Variants in DEFA3 observed in about 807,000 individuals in gnomAD.
DEFA3 encodes the protein defensin alpha 3.
For missense variants in DEFA3, 8 were observed against 128.1 expected (o/e 0.06, Z 4.53); for synonymous variants, 3 against 47.2 (o/e 0.06, Z 3.84).
In DEFA3 at chr8:7,016,044, T is replaced by G; in HGVS notation, c.231A>C (p.Glu77Asp). The stretch of plus-strand genomic sequence containing the variant: ...GGTAGATGCAGGTTCCATAGCGACG[T>G]TCTCCTGCAATGCACGCTGGTATTC... ...YCRIPACIAGERRYGTCIYQG... is the reference protein window; with the variant it reads ...YCRIPACIAGDRRYGTCIYQG... Residue 77 changes from glutamate (E) to aspartate (D), a missense_variant, in exon 3 of 3, where the codon GAA (glutamate) becomes GAC (aspartate). Glu to Asp is a conservative substitution (Grantham distance 45). Coordinates refer to ENST00000327857, the MANE Select transcript of DEFA3 (RefSeq NM_005217.4). 1 of 1,502,236 alleles carries G rather than the reference T, an allele frequency of 6.7e-7. No homozygotes were observed. Among genetic ancestry groups the G allele is most frequent in the Non-Finnish European group, 9.1e-7 (1 of 1,094,344 alleles). The allele number at this position is 1,502,236 out of a possible 1,614,324, so 93.1% of individuals were successfully genotyped here. A position where few individuals can be genotyped will look rare whatever the true frequency, so the allele number is the denominator to read the frequency against.
chr8:7,016,333 G>C (rs1810969346), intron 2 of DEFA3, among the ~76,000 whole-genome samples: 1 of 151,664 alleles, frequency 6.6e-6, no homozygotes, highest in Non-Finnish European at 1.5e-5. Context: ...ACACACACCT[G>C]AACATACCCT....
rs1006919242 is a variant in DEFA3 at position 7,018,254 on chromosome 8, G to A, written c.-45C>T. 4.7e-5 allele frequency: 7 copies of A among 149,538 alleles called. No individual in the cohort carries two copies. The highest frequency in any genetic ancestry group is 1.7e-4 in the African/African-American group (7 of 40,298). 9.3% of individuals were successfully genotyped at this position (149,538 alleles called of 1,614,324 possible). On this transcript the variant is annotated 5_prime_UTR_variant, in exon 1 of 3. Transcript: ENST00000327857. ...CTAGCTAGGCAGGGTGACCAGAGAG[G>A]GCAGACAGCAGTCCTCTGTCCCAGG...
At chr8:7,016,381 GT>G in intron 2 of DEFA3, among the ~76,000 whole-genome samples, 1 of 32,686 alleles carries the variant, frequency 3.1e-5, no homozygotes, top group Admixed American at 3.1e-4. Context: ...CTTCTGTAGA[GT>G]AAAATGTTCT....
intron 2 of DEFA3, among the ~76,000 whole-genome samples, chr8:7,016,438 GT>G (rs1181601013): frequency 4.1e-5 from 6 of 145,234 alleles, no homozygotes; most frequent in African/African-American, 1.6e-4. Flanking sequence ...TAACTAGTCT[GT>G]CTCTTCATAT....
chr8:7,016,470 C>G (rs539302238), intron 2 of DEFA3, among the ~76,000 whole-genome samples: 19 of 146,724 alleles, frequency 1.3e-4, no homozygotes, highest in Admixed American at 3.4e-4. Flanking sequence ...GTGAATTTCA[C>G]AGATGTTTCT....
chr8:7,018,038 A>C (rs1456848522), intron 1 of DEFA3, among the ~76,000 whole-genome samples, 184 bp downstream of exon 1: 2 of 150,674 alleles, frequency 1.3e-5, no homozygotes, highest in African/African-American at 4.9e-5. Context: ...AAACTGCTTG[A>C]GTTTCTCTAT....
chr8:7,018,010 A>G (rs1259964777), intron 1 of DEFA3, among the ~76,000 whole-genome samples: 2 of 148,738 alleles, frequency 1.3e-5, no homozygotes, highest in African/African-American at 4.9e-5. Context: ...GTCAACCAGG[A>G]CATGTGTGTT....
chr8:7,018,053 T>A (rs377630198), intron 1 of DEFA3, among the ~76,000 whole-genome samples, 169 bp downstream of exon 1: 335 of 149,298 alleles, frequency 2.2e-3, no homozygotes, highest in Middle Eastern at 6.9e-3. Flanking sequence ...CTCTATTAAG[T>A]TAGCTGGAAG....
At chr8:7,017,808 A>C (rs1271191400) in intron 1 of DEFA3, among the ~76,000 whole-genome samples, 2 of 152,100 alleles carry the variant, frequency 1.3e-5, no homozygotes, top group Admixed American at 1.3e-4. Flanking sequence ...CCGAGTGAAA[A>C]GATAACCCAG....
chr8:7,018,018 G>GTGTA (rs1316287701), intron 1 of DEFA3, among the ~76,000 whole-genome samples: 14,315 of 99,298 alleles, frequency 0.14, 2 homozygotes, highest in African/African-American at 0.21. Flanking sequence ...GGACATGTGT[G>GTGTA]TTTAGAAGGA....
intron 1 of DEFA3, among the ~76,000 whole-genome samples, chr8:7,017,781 G>C (rs1463389448): frequency 6.6e-6 from 1 of 151,926 alleles, no homozygotes; most frequent in Non-Finnish European, 1.5e-5. Flanking sequence ...CATCTGCACA[G>C]CAAAGGAAAC....
Position 7,015,885 on chromosome 8 carries a change from T to A in DEFA3, c.*105A>T, listed in dbSNP as rs1181552376. On this transcript the variant is annotated 3_prime_UTR_variant, in exon 3 of 3. Coordinates refer to ENST00000327857, the MANE Select transcript of DEFA3 (RefSeq NM_005217.4). ...ACACAGAAATCTTGTAACAAGGCAT[T>A]TATTTGAGATGAGGAAAGGAAATTG... The A allele has an allele frequency of 2.8e-6, 3 of 1,089,354 alleles. No individual in the cohort carries two copies. Among genetic ancestry groups the A allele is most frequent in the Non-Finnish European group, 4.1e-6 (3 of 734,690 alleles). The allele number at this position is 1,089,354 out of a possible 1,614,324, so 67.5% of individuals were successfully genotyped here.
At chr8:7,018,023 G>C (rs1261109824) in intron 1 of DEFA3, among the ~76,000 whole-genome samples, 199 bp downstream of exon 1, 3 of 150,398 alleles carry the variant, frequency 2.0e-5, no homozygotes, top group East Asian at 2.0e-4. Context: ...TGTGTGTTTA[G>C]AAGGAAACTG....
intron 2 of DEFA3, among the ~76,000 whole-genome samples, chr8:7,016,440 C>T (rs1810974561): frequency 6.9e-6 from 1 of 145,458 alleles, no homozygotes; most frequent in Non-Finnish European, 1.5e-5. Context: ...ACTAGTCTGT[C>T]TCTTCATATC....
At chr8:7,017,764 G>A (rs1310475745) in intron 1 of DEFA3, among the ~76,000 whole-genome samples, 8 of 151,672 alleles carry the variant, frequency 5.3e-5, no homozygotes, top group Admixed American at 2.6e-4. Flanking sequence ...TTCATTTAAC[G>A]CTAAAGCATC....
At chr8:7,016,517 T>A (rs1226371292) in intron 2 of DEFA3, among the ~76,000 whole-genome samples, 159 bp downstream of exon 2, 1 of 148,616 alleles carries the variant, frequency 6.7e-6, no homozygotes, top group Non-Finnish European at 1.5e-5. Flanking sequence ...GTTTCTCAGG[T>A]TTATTTGGCT....
chr8:7,018,249 G>A lies in DEFA3; in HGVS notation c.-40C>T, dbSNP rs1811065999. Reference sequence around the variant, plus strand: ...ATCCTCTAGCTAGGCAGGGTGACCAGAGAGGGCAGACAGCAGTCCTCTGTC... The same window carrying A: ...ATCCTCTAGCTAGGCAGGGTGACCAAAGAGGGCAGACAGCAGTCCTCTGTC... On this transcript the variant is annotated 5_prime_UTR_variant, in exon 1 of 3. Coordinates refer to ENST00000327857, the MANE Select transcript of DEFA3 (RefSeq NM_005217.4). The A allele has an allele frequency of 6.7e-6, 1 of 149,596 alleles. No homozygotes were observed. Among genetic ancestry groups the A allele is most frequent in the South Asian group, 2.1e-4 (1 of 4,666 alleles). 9.3% of individuals were successfully genotyped at this position (149,596 alleles called of 1,614,324 possible). A position where few individuals can be genotyped will look rare whatever the true frequency, so the allele number is the denominator to read the frequency against.
rs1375409397 is a variant in DEFA3, at chr8:7,018,240, G to T, written c.-31C>A. 5 of 149,734 alleles carry T rather than the reference G, an allele frequency of 3.3e-5. No homozygotes were observed. Among genetic ancestry groups the T allele is most frequent in the Non-Finnish European group, 5.9e-5 (4 of 67,576 alleles). 9.3% of individuals were successfully genotyped at this position (149,734 alleles called of 1,614,324 possible). A position where few individuals can be genotyped will look rare whatever the true frequency, so the allele number is the denominator to read the frequency against. On this transcript the variant is annotated 5_prime_UTR_variant, in exon 1 of 3. The change creates a new upstream start codon in the 5' untranslated region. Coordinates refer to ENST00000327857, the MANE Select transcript of DEFA3 (RefSeq NM_005217.4). ...TACTTACAGATCCTCTAGCTAGGCA[G>T]GGTGACCAGAGAGGGCAGACAGCAG...
intron 2 of DEFA3, among the ~76,000 whole-genome samples, chr8:7,016,384 A>C (rs1421746374): frequency 8.6e-6 from 1 of 115,874 alleles, no homozygotes; most frequent in South Asian, 2.8e-4. Context: ...CTGTAGAGTA[A>C]AATGTTCTCT....
Sources: gnomAD v4.1 joint callset for allele counts (sites outside exome capture counted in the v4.1 genomes callset) on GRCh38, gnomAD v4.1.1 for gene constraint, MANE v1.5 for transcripts, NCBI Gene and HGNC (gene_info 2026-07-23, HGNC 2026-07-21) for gene names.